OXR1: variants seen among roughly 807,000 people sequenced by gnomAD.
OXR1 encodes oxidation resistance 1.
In OXR1, 41 loss-of-function variants were observed where a neutral mutation model predicts 104.6. The observed-to-expected ratio is 0.39, with a 90% CI of 0.31 to 0.51. The LOEUF is 0.51. Ranked by LOEUF, OXR1 falls within the 20% of genes least tolerant of loss-of-function variation. The probability of loss-of-function intolerance (pLI) is 0.77; values close to 1 mark genes in which losing one functional copy is unlikely to be tolerated. For synonymous variants in OXR1, 348 were observed against 348.4 expected, an observed-to-expected ratio of 1.00 and a Z score of 0.01; for missense variants, 955 against 1,031.9, an observed-to-expected ratio of 0.93 and a Z score of 1.02.
At chr8:106,459,648 A>G (rs552541568) in intron 2 of OXR1, among the ~76,000 whole-genome samples, 3 of 152,282 alleles carry the variant, frequency 2.0e-5, no homozygotes, top group African/African-American at 7.2e-5. Flanking sequence ...TATCTGTTCT[A>G]TGCAGGAGCT....
chr8:106,344,739 T>C (rs1586549043), intron 1 of OXR1, among the ~76,000 whole-genome samples: 1 of 152,334 alleles, frequency 6.6e-6, no homozygotes, highest in African/African-American at 2.4e-5. Context: ...AGCTGATGCA[T>C]GAAAAGTGAA....
At chr8:106,545,809 T>C (rs1815310399) in intron 3 of OXR1, among the ~76,000 whole-genome samples, 1 of 151,108 alleles carries the variant, frequency 6.6e-6, no homozygotes, top group African/African-American at 2.4e-5. Context: ...ATTAGCCTGG[T>C]GAGCATGCAA....
Position 106,751,786 on chromosome 8 carries a change from C to T in OXR1, c.*845C>T, listed in dbSNP as rs1475740101. The T allele has an allele frequency of 1.3e-5, 2 of 152,424 alleles. No homozygotes were observed. The highest frequency in any genetic ancestry group is 1.5e-5 in the Non-Finnish European group (1 of 67,934). 9.4% of individuals were successfully genotyped at this position (152,424 alleles called of 1,614,324 possible). A position where few individuals can be genotyped will look rare whatever the true frequency, so the allele number is the denominator to read the frequency against. ...TGCATATTTCCTCAACATACTGTGT[C>T]AGGTATACTGTTTTATAATTTGGTT... On this transcript the variant is annotated 3_prime_UTR_variant, in exon 17 of 17. Transcript: ENST00000517566.
At chr8:106,319,365 C>A (rs1814116994) in intron 1 of OXR1, among the ~76,000 whole-genome samples, 1 of 152,160 alleles carries the variant, frequency 6.6e-6, no homozygotes, top group East Asian at 1.9e-4. Context: ...CCACTAAAGG[C>A]AGCCCATTTC....
chr8:106,385,437 T>G (rs1354562487), intron 2 of OXR1, among the ~76,000 whole-genome samples: 3 of 152,198 alleles, frequency 2.0e-5, no homozygotes, highest in Admixed American at 1.3e-4. Context: ...CTTACGTAAA[T>G]TTTTTAAAAG....
intron 3 of OXR1, among the ~76,000 whole-genome samples, chr8:106,631,935 T>C (rs946553353): frequency 1.3e-5 from 2 of 152,180 alleles, no homozygotes; most frequent in Admixed American, 1.3e-4. Flanking sequence ...CATCAAGATA[T>C]AGTACAAAAA....
At chr8:106,743,511 G>A (rs533799925) in intron 15 of OXR1, among the ~76,000 whole-genome samples, 8 of 152,138 alleles carry the variant, frequency 5.3e-5, no homozygotes, top group Non-Finnish European at 1.0e-4. Context: ...AGTAGAGACG[G>A]GGTTTTGCCA....
intron 3 of OXR1, chr8:106,658,253 C>T: frequency 1.6e-6 from 2 of 1,227,098 alleles, no homozygotes; most frequent in Non-Finnish European, 2.0e-6. Context: ...AGGCGGCGGT[C>T]GTGGCGCCGG....
chr8:106,503,043 A>T (rs965246515), intron 2 of OXR1, among the ~76,000 whole-genome samples: 1 of 152,182 alleles, frequency 6.6e-6, no homozygotes, highest in Non-Finnish European at 1.5e-5. Flanking sequence ...GCCCCAAAGG[A>T]TAGCAACATT....
chr8:106,673,362 G>A (rs1389445304), intron 3 of OXR1, among the ~76,000 whole-genome samples: 1 of 152,184 alleles, frequency 6.6e-6, no homozygotes, highest in Admixed American at 6.5e-5. Flanking sequence ...GTATCTAGCA[G>A]AAGAAATTTC....
intron 3 of OXR1, among the ~76,000 whole-genome samples, chr8:106,562,939 C>G (rs1816788869): frequency 1.3e-5 from 2 of 152,222 alleles, no homozygotes; most frequent in East Asian, 3.9e-4. Context: ...TTGCCACCAC[C>G]AGGCCTGCCT....
At chr8:106,270,921 A>G (rs1300363882) in intron 1 of OXR1, among the ~76,000 whole-genome samples, 1 of 152,052 alleles carries the variant, frequency 6.6e-6, no homozygotes, top group East Asian at 1.9e-4. Flanking sequence ...GTGGATTCGG[A>G]TAATTTGGGG....
At chr8:106,681,666 A>C (rs1205392110) in intron 4 of OXR1, among the ~76,000 whole-genome samples, 1 of 152,120 alleles carries the variant, frequency 6.6e-6, no homozygotes. Flanking sequence ...CTGGGACTAC[A>C]GGCATGCATC....
intron 11 of OXR1, chr8:106,726,401 A>G: frequency 1.4e-6 from 1 of 699,490 alleles, no homozygotes; most frequent in Non-Finnish European, 2.2e-6. Flanking sequence ...AAGTTTAAGC[A>G]TAGAGGATAT....
chr8:106,556,110 A>G (rs913743441), intron 3 of OXR1, among the ~76,000 whole-genome samples: 2 of 151,944 alleles, frequency 1.3e-5, no homozygotes, highest in African/African-American at 2.4e-5. Context: ...ATCTGTGGAG[A>G]CAGAATGCAT....
intron 3 of OXR1, among the ~76,000 whole-genome samples, chr8:106,609,851 C>CAA (rs1312862058): frequency 4.5e-4 from 4 of 8,966 alleles, no homozygotes; most frequent in African/African-American, 2.0e-3. Context: ...ATAACACACA[C>CAA]ACACACACAT....
intron 3 of OXR1, among the ~76,000 whole-genome samples, chr8:106,661,761 G>A (rs1329625477): frequency 6.6e-6 from 1 of 152,152 alleles, no homozygotes; most frequent in East Asian, 1.9e-4. Context: ...TTTATTTTTA[G>A]CAATTAAAAC....
At chr8:106,701,984 T>A (rs972795686) in intron 7 of OXR1, among the ~76,000 whole-genome samples, 1 of 152,244 alleles carries the variant, frequency 6.6e-6, no homozygotes, top group Non-Finnish European at 1.5e-5. Flanking sequence ...TGTTTTATTT[T>A]TTTGAGATGG....
chr8:106,363,854 T>C lies in OXR1; in HGVS notation c.23+4218T>C, dbSNP rs1044349298. Among the ~76,000 whole-genome samples the C allele has an allele frequency of 2.6e-5, 4 of 152,340 alleles. No individual in the cohort carries two copies. In the East Asian group the frequency reaches 7.7e-4, roughly 29 times the overall value. On this transcript the variant is annotated intron_variant, in intron 2 of 16. Transcript: ENST00000517566. Reference sequence around the variant, plus strand: ...ATTCAGGGTATGCAGCAGAGCCCTATCTTGTTGCAACTACCTGGATTGTAG... The same window carrying C: ...ATTCAGGGTATGCAGCAGAGCCCTACCTTGTTGCAACTACCTGGATTGTAG...
Sources: gnomAD v4.1 joint callset for allele counts (sites outside exome capture counted in the v4.1 genomes callset) on GRCh38, gnomAD v4.1.1 for gene constraint, MANE v1.5 for transcripts, NCBI Gene and HGNC (gene_info 2026-07-23, HGNC 2026-07-21) for gene names.